The following EBF3 variants were observed in gnomAD, a reference collection of about 807,000 sequenced individuals.
EBF3 encodes transcription factor COE3.
EBF3 carries 18 observed loss-of-function variants against 77.1 expected under a neutral mutation model. The observed-to-expected ratio is 0.23, with a 90% CI of 0.16 to 0.35. The LOEUF is 0.35. Ranked by LOEUF, EBF3 falls within the 10% of genes least tolerant of loss-of-function variation. The pLI, the probability that EBF3 is intolerant of heterozygous loss-of-function variation, is 1.00. For synonymous variants in EBF3, 350 were observed against 343.5 expected (o/e 1.02, Z -0.21); for missense variants, 558 against 860.0 (o/e 0.65, Z 4.39).
rs550540252 is a variant in EBF3, at chr10:129,874,088, T to C, written c.637-492A>G. 1.2e-4 allele frequency among the ~76,000 whole-genome samples: 19 copies of C among 152,316 alleles called. No individual in the cohort carries two copies. The East Asian group carries it at 3.5e-3, about 28-fold the overall frequency. On this transcript the variant is annotated intron_variant, in intron 7 of 16. Transcript: ENST00000440978. The stretch of plus-strand genomic sequence containing the variant: ...GAACATTCCTACTGCCCACATTTTA[T>C]CAGGAAACGATCCCTGGGTCAATTT...
intron 15 of EBF3, 122 bp from the exon 16 acceptor site, chr10:129,839,317 G>A (rs1482620239): frequency 1.9e-5 from 8 of 427,010 alleles, no homozygotes; most frequent in Non-Finnish European, 3.1e-5. Context: ...GAGGCCAGAT[G>A]ACGGCCACTT....
chr10:129,843,330 C>T (rs757562720), intron 11 of EBF3, 128 bp from the exon 12 acceptor site: 44 of 933,564 alleles, frequency 4.7e-5, no homozygotes, highest in Non-Finnish European at 6.7e-5. Flanking sequence ...CTGGCCCTGC[C>T]GTGCACTTCG....
intron 11 of EBF3, among the ~76,000 whole-genome samples, chr10:129,844,687 A>G (rs1049269150): frequency 2.8e-4 from 43 of 152,190 alleles, no homozygotes; most frequent in African/African-American, 8.4e-4. Context: ...AAGTTCCCGG[A>G]TGGGTGGCTC....
chr10:129,900,177 G>A (rs1023232232), intron 6 of EBF3, among the ~76,000 whole-genome samples: 4 of 152,162 alleles, frequency 2.6e-5, no homozygotes, highest in African/African-American at 7.2e-5. Flanking sequence ...CACCTTGAAA[G>A]AGTCATCATA....
rs550874434 is a variant in EBF3, at chr10:129,916,645, C to T, written c.555-38796G>A. On this transcript the variant is annotated intron_variant, in intron 6 of 16. Transcript: ENST00000440978. ...ACAGCTCAGGAGCCAGCAGGGCCAGCGAGAGGCTGGATGCAGGGAGTGTGA... is the reference window on the plus strand; with the variant it reads ...ACAGCTCAGGAGCCAGCAGGGCCAGTGAGAGGCTGGATGCAGGGAGTGTGA... Among the ~76,000 whole-genome samples, 12 of 152,310 alleles carry T rather than the reference C, an allele frequency of 7.9e-5. No homozygotes were observed. In the East Asian group the frequency reaches 1.5e-3, roughly 20 times the overall value.
Position 129,962,029 on chromosome 10 carries a change from A to C in EBF3, c.411+142T>G, listed in dbSNP as rs890235359. 3 of 721,470 alleles carry C rather than the reference A, an allele frequency of 4.2e-6. No individual in the cohort carries two copies. In the African/African-American group the frequency reaches 5.4e-5, roughly 13 times the overall value. The allele number at this position is 721,470 out of a possible 1,614,324, so 44.7% of individuals were successfully genotyped here. A position where few individuals can be genotyped will look rare whatever the true frequency, so the allele number is the denominator to read the frequency against. ...CCAATCGCTTCATTCATTCCAATAA[A>C]TATGGAATTCTCATTAGCATGTCAA... is the stretch of plus-strand genomic sequence containing the variant. On this transcript the variant is annotated intron_variant, in intron 4 of 16. Transcript: ENST00000440978.
chr10:129,906,448 C>T (rs548905643), intron 6 of EBF3, among the ~76,000 whole-genome samples: 117 of 152,298 alleles, frequency 7.7e-4, no homozygotes, highest in Non-Finnish European at 1.5e-3. Context: ...TGTACAGGAG[C>T]CCTCTTAACC....
chr10:129,896,837 T>C (rs1854425687), intron 6 of EBF3, among the ~76,000 whole-genome samples: 1 of 152,214 alleles, frequency 6.6e-6, no homozygotes, highest in African/African-American at 2.4e-5. Flanking sequence ...CTGCGTGAAC[T>C]TGGCAGGGGA....
At position 129,837,688 on chromosome 10, in the gene EBF3, A is replaced by G. The variant is rs1458496197; in HGVS notation, c.*255T>C. On this transcript the variant is annotated 3_prime_UTR_variant, in exon 17 of 17. Transcript: ENST00000440978. ...TTTTCCTTATTCTTCAGGACTGAGA[A>G]ATGTGAAAATATGAGAAAAGTTCAG... 1 of 540,856 alleles carries G rather than the reference A, an allele frequency of 1.8e-6. No individual in the cohort carries two copies. The highest frequency in any genetic ancestry group is 1.9e-5 in the African/African-American group (1 of 52,200). 33.5% of individuals were successfully genotyped at this position (540,856 alleles called of 1,614,324 possible).
intron 6 of EBF3, among the ~76,000 whole-genome samples, chr10:129,884,729 A>G (rs1007385374): frequency 4.6e-5 from 7 of 152,284 alleles, no homozygotes; most frequent in Admixed American, 3.9e-4. Flanking sequence ...CTGCACGTGC[A>G]TGCTCCCCGA....
At position 129,963,266 on chromosome 10, in the gene EBF3, C is replaced by G. The variant is rs1859669265; in HGVS notation, c.291+101G>C. The G allele has an allele frequency of 9.4e-6, 14 of 1,482,756 alleles. No homozygotes were observed. In the Admixed American group the frequency reaches 1.0e-4, roughly 11 times the overall value. The allele number at this position is 1,482,756 out of a possible 1,614,324, so 91.8% of individuals were successfully genotyped here. A position where few individuals can be genotyped will look rare whatever the true frequency, so the allele number is the denominator to read the frequency against. ...CGGCGGCGGGGTGGCCTGGCGGAGC[C>G]GAGCCCGCCGCCTAGGGGGGCACTC... On this transcript the variant is annotated intron_variant, in intron 2 of 16. Transcript: ENST00000440978. The surrounding 1 kb of genome is among the most constrained non-coding windows in gnomAD (Gnocchi z 7.1).
chr10:129,934,749 A>G (rs968463496), intron 6 of EBF3, among the ~76,000 whole-genome samples: 11 of 152,142 alleles, frequency 7.2e-5, no homozygotes, highest in African/African-American at 2.4e-4. Flanking sequence ...CTGCCAGGTG[A>G]CAGGCACGAT....
intron 6 of EBF3, among the ~76,000 whole-genome samples, chr10:129,942,091 A>G (rs1564911302): frequency 6.6e-6 from 1 of 152,122 alleles, no homozygotes; most frequent in Non-Finnish European, 1.5e-5. Flanking sequence ...GCCCCGCCTC[A>G]CCCACTCAGG....
At chr10:129,843,869 G>A (rs147244498) in intron 11 of EBF3, among the ~76,000 whole-genome samples, 2 of 152,250 alleles carry the variant, frequency 1.3e-5, no homozygotes, top group African/African-American at 4.8e-5. Flanking sequence ...TGTGCGCGCT[G>A]TGCCTGGGGG....
At position 129,963,826 on chromosome 10, in the gene EBF3, G is replaced by T; in HGVS notation, c.-58C>A. ...CGAAAGCGTTTCCTCGAGCAGCGGC[G>T]CTCGGGGCTTGGCGGCAGGCGGCTG... is the stretch of plus-strand genomic sequence containing the variant. On this transcript the variant is annotated 5_prime_UTR_variant, in exon 1 of 17. Transcript: ENST00000440978. The surrounding 1 kb of genome is among the most constrained non-coding windows in gnomAD (Gnocchi z 7.1). 1 of 1,468,804 alleles carries T rather than the reference G, an allele frequency of 6.8e-7. No homozygotes were observed. Among genetic ancestry groups the T allele is most frequent in the Admixed American group, 2.0e-5 (1 of 49,306 alleles). The allele number at this position is 1,468,804 out of a possible 1,614,324, so 91.0% of individuals were successfully genotyped here.
At position 129,962,924 on chromosome 10, in the gene EBF3, C is replaced by G; in HGVS notation, c.355+18G>C. 1 of 1,613,358 alleles carries G rather than the reference C, an allele frequency of 6.2e-7. No homozygotes were observed. The highest frequency in any genetic ancestry group is 8.5e-7 in the Non-Finnish European group (1 of 1,179,558). On this transcript the variant is annotated intron_variant, in intron 3 of 16. Transcript: ENST00000440978. Reference sequence around the variant, plus strand: ...AGCCAGCCGCTGCAGGGGCGGCGAGCACGCAGCAGGCACTTACCGTTGCTG... The same window carrying G: ...AGCCAGCCGCTGCAGGGGCGGCGAGGACGCAGCAGGCACTTACCGTTGCTG...
rs149044470 is a variant in EBF3 at position 129,945,795 on chromosome 10, G to A, written c.554+11463C>T. Among the ~76,000 whole-genome samples, 142 of 152,180 alleles carry A rather than the reference G, an allele frequency of 9.3e-4. 2 individuals carry two copies. In the East Asian group the frequency reaches 0.023, roughly 24 times the overall value. On this transcript the variant is annotated intron_variant, in intron 6 of 16. Coordinates refer to ENST00000440978, the MANE Select transcript of EBF3 (RefSeq NM_001375380.1). ...AGCAGCCCCTGTCACCGCTCCCTTCGAGCCTCACCATACAGCTCTATTTAT... is the reference window on the plus strand; with the variant it reads ...AGCAGCCCCTGTCACCGCTCCCTTCAAGCCTCACCATACAGCTCTATTTAT...
chr10:129,911,790 G>C (rs997394584), intron 6 of EBF3, among the ~76,000 whole-genome samples: 7 of 152,176 alleles, frequency 4.6e-5, no homozygotes, highest in African/African-American at 1.7e-4. Flanking sequence ...TCCAAGCTGG[G>C]AAGCCCAAGC....
At chr10:129,916,495 C>T (rs1291783095) in intron 6 of EBF3, among the ~76,000 whole-genome samples, 1 of 152,214 alleles carries the variant, frequency 6.6e-6, no homozygotes, top group African/African-American at 2.4e-5. Flanking sequence ...CCGTGCGGGG[C>T]ATCTCGTGTT....
Sources: gnomAD v4.1 joint callset for allele counts (sites outside exome capture counted in the v4.1 genomes callset) on GRCh38, gnomAD v4.1.1 for gene constraint, Gnocchi (gnomAD v3.1) non-coding constraint, MANE v1.5 for transcripts, NCBI Gene and HGNC (gene_info 2026-07-23, HGNC 2026-07-21) for gene names.